APTX: variants seen among roughly 807,000 people sequenced by gnomAD.
APTX encodes the protein forkhead-associated domain histidine triad-like protein.
A neutral mutation model predicts 42.3 loss-of-function variants in APTX; 33 were observed. That is an observed-to-expected ratio of 0.78 (90% CI 0.59 to 1.04). The LOEUF (loss-of-function observed/expected upper bound fraction) is 1.04. Ranked by LOEUF, APTX falls within the 50% of genes least tolerant of loss-of-function variation. APTX has a pLI of 0.00. For synonymous variants in APTX, 130 were observed against 146.7 expected (o/e 0.89, Z 0.82); for missense variants, 421 against 415.1 (o/e 1.01, Z -0.12).
intron 1 of APTX, among the ~76,000 whole-genome samples, chr9:32,993,106 G>A (rs1050854227): frequency 2.0e-5 from 3 of 152,206 alleles, no homozygotes; most frequent in Admixed American, 6.5e-5. Context: ...TGAGAGCAGG[G>A]CAAGAGAGGA....
Position 32,987,684 on chromosome 9 carries a change from T to C in APTX, c.343A>G (p.Arg115Gly), listed in dbSNP as rs770357188. 4 of 1,614,100 alleles carry C rather than the reference T, an allele frequency of 2.5e-6. No individual in the cohort carries two copies. The highest frequency in any genetic ancestry group is 1.7e-5 in the Admixed American group (1 of 60,002). Residue 115 changes from arginine (R) to glycine (G), a missense_variant, in exon 4 of 8, where the codon AGA becomes GGA. Coordinates refer to ENST00000379817, the MANE Select transcript of APTX (RefSeq NM_001195248.2). ...GAATCACTGTTGCCTGATCTCTTTC[T>C]CTTCCTGTGTGTTTCCAGGCCAGGG... Reference protein sequence around the residue: ...KNPGLETHRKRKRSGNSDSIE... With the variant: ...KNPGLETHRKGKRSGNSDSIE...
chr9:33,019,212 T>C (rs2119301904), intron 1 of APTX, among the ~76,000 whole-genome samples: 1 of 152,144 alleles, frequency 6.6e-6, no homozygotes, highest in East Asian at 1.9e-4. Context: ...TATTCTTAAA[T>C]ATAAAGTTCA....
intron 1 of APTX, among the ~76,000 whole-genome samples, chr9:33,010,297 A>G (rs1187189293): frequency 1.3e-5 from 2 of 152,166 alleles, no homozygotes; most frequent in Non-Finnish European, 2.9e-5. Context: ...CTTGGCCTCC[A>G]GTCAGATGAA....
At chr9:32,999,876 C>T (rs111567077) in intron 1 of APTX, among the ~76,000 whole-genome samples, 78 of 152,250 alleles carry the variant, frequency 5.1e-4, no homozygotes, top group African/African-American at 1.8e-3. Flanking sequence ...AGGAGAATGG[C>T]GTGAACCCGG....
intron 1 of APTX, among the ~76,000 whole-genome samples, chr9:33,007,046 C>T (rs1428101839): frequency 6.9e-6 from 1 of 144,966 alleles, no homozygotes; most frequent in Non-Finnish European, 1.5e-5. Flanking sequence ...GAAAGAAAGG[C>T]CTATCTGAGG....
intron 6 of APTX, among the ~76,000 whole-genome samples, chr9:32,977,854 C>A (rs1218786151): frequency 1.3e-5 from 2 of 151,106 alleles, no homozygotes; most frequent in African/African-American, 4.9e-5. Flanking sequence ...AAAAAAAAAA[C>A]GGAAACAGAT....
In APTX at chr9:32,987,813, C is replaced by T. The variant is rs367998288; in HGVS notation, c.214G>A (p.Val72Ile). 3.1e-5 allele frequency: 50 copies of T among 1,613,746 alleles called. No homozygotes were observed. Among genetic ancestry groups the T allele is most frequent in the Non-Finnish European group, 3.9e-5 (46 of 1,180,040 alleles). Residue 72 changes from valine (V) to isoleucine (I), a missense_variant, in exon 4 of 8, where the codon GTA becomes ATA. Physicochemically the swap from Val to Ile is conservative, Grantham distance 29. Coordinates refer to ENST00000379817, the MANE Select transcript of APTX (RefSeq NM_001195248.2). ...TTCACCTCTTGGTCCTTCCCAATTA[C>T]GACTGAGTCAATGCTGGTGGGATTG... ...GVNPTSIDSV[V>I]IGKDQEVKLQ...
intron 1 of APTX, chr9:33,001,186 A>G (rs1322950862): frequency 1.3e-6 from 1 of 773,042 alleles, no homozygotes; most frequent in Non-Finnish European, 1.8e-6. Context: ...AGGCCTGTTG[A>G]GGATGCTGCT....
At chr9:33,000,548 C>T (rs1587596192) in intron 1 of APTX, among the ~76,000 whole-genome samples, 1 of 147,682 alleles carries the variant, frequency 6.8e-6, no homozygotes, top group Non-Finnish European at 1.5e-5. Context: ...ATAGCTTGAA[C>T]CCGGGAGACG....
intron 1 of APTX, among the ~76,000 whole-genome samples, chr9:32,993,180 CT>C (rs955843002): frequency 1.1e-4 from 16 of 152,188 alleles, no homozygotes; most frequent in African/African-American, 3.9e-4. Flanking sequence ...CCTTTCTGCC[CT>C]CCATCAATAC....
intron 1 of APTX, among the ~76,000 whole-genome samples, chr9:32,998,312 C>G (rs1045690462): frequency 1.3e-5 from 2 of 152,158 alleles, no homozygotes; most frequent in African/African-American, 4.8e-5. Context: ...ATGAAAAGAA[C>G]AGTTTTCATT....
intron 1 of APTX, among the ~76,000 whole-genome samples, chr9:32,990,474 G>C (rs1214069926): frequency 6.6e-6 from 1 of 152,148 alleles, no homozygotes; most frequent in Non-Finnish European, 1.5e-5. Context: ...CACCTGGCCT[G>C]TTACACATGT....
chr9:33,024,920 C>G (rs1173581298), intron 1 of APTX: 2 of 151,230 alleles, frequency 1.3e-5, no homozygotes, highest in African/African-American at 4.9e-5. Context: ...ACAGCTCCCG[C>G]TGGGTCACTG....
intron 1 of APTX, among the ~76,000 whole-genome samples, chr9:33,023,780 G>A (rs1026520692): frequency 6.6e-6 from 1 of 152,192 alleles, no homozygotes; most frequent in Non-Finnish European, 1.5e-5. Context: ...AGGCTGAAGA[G>A]GCAGCATGAG....
chr9:33,001,594 A>C lies in APTX; in HGVS notation c.-32T>G, dbSNP rs769760063. ...CCAGAAGTCGGAGACGGACAAATTCACGTTACTCATCTGTGCCTCACCGCT... is the reference window on the plus strand; with the variant it reads ...CCAGAAGTCGGAGACGGACAAATTCCCGTTACTCATCTGTGCCTCACCGCT... On this transcript the variant is annotated 5_prime_UTR_variant, in exon 1 of 8. Coordinates refer to ENST00000379817, the MANE Select transcript of APTX (RefSeq NM_001195248.2). 2 of 1,613,932 alleles carry C rather than the reference A, an allele frequency of 1.2e-6. No individual in the cohort carries two copies. The highest frequency in any genetic ancestry group is 1.7e-6 in the Non-Finnish European group (2 of 1,180,012).
At chr9:33,016,087 A>T (rs1837882981) in intron 1 of APTX, 1 of 152,206 alleles carries the variant, frequency 6.6e-6, no homozygotes, top group Non-Finnish European at 1.5e-5. Flanking sequence ...TATTATCTAG[A>T]CCAAGAGTCT....
At chr9:32,991,264 T>G (rs923655444) in intron 1 of APTX, among the ~76,000 whole-genome samples, 1 of 152,184 alleles carries the variant, frequency 6.6e-6, no homozygotes. Context: ...GTGACAATTT[T>G]GTGCAATACG....
chr9:32,976,270 C>T (rs1236688395), intron 6 of APTX, among the ~76,000 whole-genome samples: 1 of 152,044 alleles, frequency 6.6e-6, no homozygotes, highest in African/African-American at 2.4e-5. Flanking sequence ...AAGAGAAATA[C>T]CTAATGTAAA....
intron 1 of APTX, among the ~76,000 whole-genome samples, chr9:33,013,536 G>A (rs1466425330): frequency 1.3e-5 from 2 of 152,250 alleles, no homozygotes; most frequent in African/African-American, 2.4e-5. Context: ...GCCAGGCGTG[G>A]TGGCTCATGC....
Sources: allele counts gnomAD v4.1 joint callset (sites outside exome capture counted in the v4.1 genomes callset), GRCh38; gene constraint gnomAD v4.1.1; transcripts MANE v1.5; gene names NCBI Gene and HGNC (gene_info 2026-07-23, HGNC 2026-07-21).